FCER1A: variants seen among roughly 807,000 people sequenced by gnomAD.
The protein encoded by FCER1A is Fc epsilon receptor Ia.
In FCER1A, 24 loss-of-function variants were observed where a neutral mutation model predicts 23.6. The ratio of observed to expected loss-of-function variants is 1.02; its 90% CI spans 0.74 to 1.43. The LOEUF (loss-of-function observed/expected upper bound fraction) is 1.43, where lower values mean the gene tolerates loss of function less well. Ranked by LOEUF, FCER1A falls within the 40% of genes most tolerant of loss-of-function variation. The pLI, the probability that FCER1A is intolerant of heterozygous loss-of-function variation, is 0.00. For synonymous variants in FCER1A, 121 were observed against 108.8 expected (o/e 1.11, Z -0.70); for missense variants, 318 against 294.5 (o/e 1.08, Z -0.58).
At chr1:159,293,615 T>G in intron 1 of FCER1A, among the ~76,000 whole-genome samples, 1 of 139,580 alleles carries the variant, frequency 7.2e-6, no homozygotes, top group East Asian at 2.2e-4. Flanking sequence ...CATTGTTCAA[T>G]TCCCATCTAT....
Position 159,295,835 on chromosome 1 carries a change from A to T in FCER1A, c.-60+6082A>T, listed in dbSNP as rs879031545. Among the ~76,000 whole-genome samples the T allele has an allele frequency of 2.6e-5, 4 of 152,184 alleles. 1 individual carries two copies. Among genetic ancestry groups the T allele is most frequent in the Admixed American group, 2.6e-4 (4 of 15,262 alleles). ...AGCATGCATTTATTCCTGTGTTTGTAAGGCATAAACCTGTAACCACACTAC... is the reference window on the plus strand; with the variant it reads ...AGCATGCATTTATTCCTGTGTTTGTTAGGCATAAACCTGTAACCACACTAC... On this transcript the variant is annotated intron_variant, in intron 1 of 5. Transcript: ENST00000368115.
chr1:159,304,334 G>C, intron 3 of FCER1A, 152 bp downstream of exon 3: 1 of 719,872 alleles, frequency 1.4e-6, no homozygotes. Context: ...GGGCACAGTG[G>C]CTCACGCCTG....
At chr1:159,295,068 T>A (rs529027096) in intron 1 of FCER1A, among the ~76,000 whole-genome samples, 1 of 152,314 alleles carries the variant, frequency 6.6e-6, no homozygotes, top group South Asian at 2.1e-4. Context: ...TTAGTATAAA[T>A]TCAATTTAGG....
At chr1:159,307,213 T>G (rs1190457818) in intron 4 of FCER1A, among the ~76,000 whole-genome samples, 1 of 152,224 alleles carries the variant, frequency 6.6e-6, no homozygotes, top group Non-Finnish European at 1.5e-5. Context: ...TTTAAATGAT[T>G]TCTGGATGTA....
chr1:159,289,413 A>G (rs1652092369), upstream of FCER1A, among the ~76,000 whole-genome samples: 1 of 152,202 alleles, frequency 6.6e-6, no homozygotes, highest in Admixed American at 6.5e-5. Flanking sequence ...CCTGCAGAGG[A>G]CCTTAGCACA....
intron 1 of FCER1A, among the ~76,000 whole-genome samples, chr1:159,294,173 G>A (rs891869962): frequency 1.3e-5 from 2 of 152,164 alleles, no homozygotes; most frequent in African/African-American, 4.8e-5. Flanking sequence ...ATTCCTCAGG[G>A]ATCTAGAACT....
chr1:159,297,766 A>G (rs574175684), upstream of FCER1A, among the ~76,000 whole-genome samples: 47 of 152,034 alleles, frequency 3.1e-4, no homozygotes, highest in Middle Eastern at 0.01. Context: ...TTAGCTGGGT[A>G]TGGTGGCACA....
chr1:159,299,178 T>C (rs1447459629), upstream of FCER1A, among the ~76,000 whole-genome samples: 3 of 152,156 alleles, frequency 2.0e-5, no homozygotes, highest in African/African-American at 7.2e-5. Context: ...TTGTATTTGA[T>C]CCTCAGGGAG....
upstream of FCER1A, among the ~76,000 whole-genome samples, chr1:159,300,803 C>T (rs999979135): frequency 6.6e-6 from 1 of 152,088 alleles, no homozygotes; most frequent in Non-Finnish European, 1.5e-5. Flanking sequence ...CTTATTAAAT[C>T]TCATAATATA....
chr1:159,299,383 G>A (rs924374093), upstream of FCER1A, among the ~76,000 whole-genome samples: 2 of 152,072 alleles, frequency 1.3e-5, no homozygotes, highest in Non-Finnish European at 2.9e-5. Flanking sequence ...CACTGTATAG[G>A]CTGAGCCTTG....
chr1:159,286,212 A>T (rs952702119), upstream of FCER1A, among the ~76,000 whole-genome samples: 3 of 151,950 alleles, frequency 2.0e-5, no homozygotes, highest in Non-Finnish European at 2.9e-5. Flanking sequence ...ATAAATAAAT[A>T]AATAAAATTT....
At chr1:159,296,222 GC>G (rs1652289785) in intron 1 of FCER1A, among the ~76,000 whole-genome samples, 1 of 151,860 alleles carries the variant, frequency 6.6e-6, no homozygotes, top group Non-Finnish European at 1.5e-5. Context: ...TTTTAAGGAA[GC>G]CCCCTTAAAC....
intron 3 of FCER1A, among the ~76,000 whole-genome samples, chr1:159,305,484 A>T (rs2494265): frequency 0.78 from 118,307 of 152,152 alleles, 46,865 homozygotes; most frequent in African/African-American, 0.93. Flanking sequence ...AGCACAGAGC[A>T]GTATGGGAAG....
At chr1:159,291,484 AT>A (rs1652152250) in intron 1 of FCER1A, among the ~76,000 whole-genome samples, 1 of 152,316 alleles carries the variant, frequency 6.6e-6, no homozygotes, top group Admixed American at 6.5e-5. Flanking sequence ...ATGCAAAACA[AT>A]TTAAAAAAAT....
rs781630704 is a variant in FCER1A, at chr1:159,306,187, G to A, written c.531G>A (p.Thr177=). ...TVEDSGTYYC[T]GKVWQLDYES... is the part of the protein sequence containing the mutation. ...AAGACAGTGGAACCTACTACTGTAC[G>A]GGCAAAGTGTGGCAGCTGGACTATG... Residue 177 remains threonine (T), a synonymous_variant, in exon 4 of 5, where the codon ACG becomes ACA. Coordinates refer to ENST00000693622, the MANE Select transcript of FCER1A (RefSeq NM_001387280.1). 8.1e-6 allele frequency: 13 copies of A among 1,613,882 alleles called. No individual in the cohort carries two copies. Among genetic ancestry groups the A allele is most frequent in the Middle Eastern group, 1.6e-4 (1 of 6,078 alleles).
chr1:159,308,095 TAGTA>T lies in FCER1A; in HGVS notation c.*167_*170del. Reference sequence around the variant, plus strand: ...GTGAAACTGGTTAAGTGGCATGTAATAGTAAGTGCTCAATTAACATTGGTTGAAT... The same window carrying T: ...GTGAAACTGGTTAAGTGGCATGTAATAGTGCTCAATTAACATTGGTTGAAT... On this transcript the variant is annotated 3_prime_UTR_variant, in exon 5 of 5. Transcript: ENST00000693622. 1 of 495,696 alleles carries T rather than the reference TAGTA, an allele frequency of 2.0e-6. No homozygotes were observed. Among genetic ancestry groups the T allele is most frequent in the Non-Finnish European group, 3.6e-6 (1 of 279,400 alleles). 30.7% of individuals were successfully genotyped at this position (495,696 alleles called of 1,614,324 possible). A position where few individuals can be genotyped will look rare whatever the true frequency, so the allele number is the denominator to read the frequency against.
chr1:159,286,354 A>G (rs1021591060), upstream of FCER1A, among the ~76,000 whole-genome samples: 11 of 150,740 alleles, frequency 7.3e-5, no homozygotes, highest in South Asian at 6.3e-4. Context: ...TTTTTTTGAG[A>G]CAAAGTCTCT....
chr1:159,284,421 C>A, the FCER1A span, among the ~76,000 whole-genome samples: 2 of 152,328 alleles, frequency 1.3e-5, no homozygotes, highest in Non-Finnish European at 2.9e-5. Flanking sequence ...CTTCTCCATT[C>A]ATACAGTCTC....
In FCER1A at chr1:159,307,804, T is replaced by A; in HGVS notation, c.646T>A (p.Phe216Ile). ...FFIPLLVVILFAVDTGLFIST... is the reference protein window; with the variant it reads ...FFIPLLVVILIAVDTGLFIST... ...TATCCCATTGTTGGTGGTGATTCTG[T>A]TTGCTGTGGACACAGGATTATTTAT... Residue 216 changes from phenylalanine to isoleucine, a missense_variant, in exon 5 of 5, where the codon TTT becomes ATT. Transcript: ENST00000693622. The A allele has an allele frequency of 6.2e-7, 1 of 1,612,978 alleles. No homozygotes were observed. Among genetic ancestry groups the A allele is most frequent in the Non-Finnish European group, 8.5e-7 (1 of 1,179,102 alleles).
Sources: gnomAD v4.1 joint callset for allele counts (sites outside exome capture counted in the v4.1 genomes callset) on GRCh38, gnomAD v4.1.1 for gene constraint, MANE v1.5 for transcripts, NCBI Gene and HGNC (gene_info 2026-07-23, HGNC 2026-07-21) for gene names.